Variants in DNAH9 observed in about 807,000 individuals in gnomAD.
DNAH9 encodes DNAH9 variant protein.
In DNAH9, 345 loss-of-function variants were observed where a neutral mutation model predicts 471.6. That is an observed-to-expected ratio of 0.73 (90% confidence interval 0.67 to 0.80). The LOEUF (loss-of-function observed/expected upper bound fraction) is 0.80. Among genes scored for constraint, DNAH9 ranks in the 30% least tolerant of loss-of-function variants. DNAH9 has a pLI of 0.00. For synonymous variants in DNAH9, 2,093 were observed against 2,123.6 expected (o/e 0.99, Z 0.40); for missense variants, 5,407 against 5,609.2 (o/e 0.96, Z 1.15).
At chr17:11,644,605 T>C in intron 10 of DNAH9, 26 bp from the exon 11 acceptor site, 3 of 1,554,462 alleles carry the variant, frequency 1.9e-6, no homozygotes, top group Non-Finnish European at 2.7e-6. Context: ...TAATTCTGTG[T>C]CACTTTTTCT....
At chr17:11,926,759 T>C (rs1415054610) in intron 62 of DNAH9, among the ~76,000 whole-genome samples, 1 of 152,244 alleles carries the variant, frequency 6.6e-6, no homozygotes, top group African/African-American at 2.4e-5. Context: ...TTATATTCCT[T>C]TGGGCTTATA....
Position 11,773,975 on chromosome 17 carries a change from C to CA in DNAH9, c.7552+4657dup, listed in dbSNP as rs1024044662. On this transcript the variant is annotated intron_variant, in intron 38 of 68. Coordinates refer to ENST00000262442, the MANE Select transcript of DNAH9 (RefSeq NM_001372.4). ...TGAAACCCTGTCTCTATCAAAAATA[C>CA]AAAAAAAAAAATTAGCCAGGCGTGG... Among the ~76,000 whole-genome samples, 831 of 145,378 alleles carry CA rather than the reference C, an allele frequency of 5.7e-3. 2 individuals are homozygous for CA. The highest frequency in any genetic ancestry group is 7.7e-3 in the Admixed American group (112 of 14,576).
intron 35 of DNAH9, among the ~76,000 whole-genome samples, chr17:11,760,386 C>A (rs991483397): frequency 1.3e-5 from 2 of 152,212 alleles, no homozygotes; most frequent in Non-Finnish European, 2.9e-5. Flanking sequence ...GCATGTGTGC[C>A]GGTGCATGCA....
intron 38 of DNAH9, among the ~76,000 whole-genome samples, chr17:11,778,223 G>T (rs1968518694): frequency 6.6e-6 from 1 of 150,546 alleles, no homozygotes; most frequent in Non-Finnish European, 1.5e-5. Flanking sequence ...CTACTCGGGA[G>T]GCTAAGGCAG....
chr17:11,881,445 C>G, intron 55 of DNAH9, 32 bp downstream of exon 55: 1 of 1,595,934 alleles, frequency 6.3e-7, no homozygotes, highest in Non-Finnish European at 8.5e-7. Flanking sequence ...TGTTCTGCCA[C>G]TAGAGCCTGC....
intron 26 of DNAH9, among the ~76,000 whole-genome samples, chr17:11,710,788 T>C (rs967722295): frequency 2.6e-5 from 4 of 152,222 alleles, no homozygotes; most frequent in African/African-American, 9.6e-5. Flanking sequence ...CCTGTTTTAA[T>C]CATTTAGGAA....
intron 61 of DNAH9, among the ~76,000 whole-genome samples, chr17:11,917,866 C>T (rs959621071): frequency 6.6e-6 from 1 of 152,170 alleles, no homozygotes; most frequent in African/African-American, 2.4e-5. Context: ...CCCTCCCCTT[C>T]TTGCCCTGAT....
At chr17:11,721,105 T>C (rs2075049515) in intron 27 of DNAH9, among the ~76,000 whole-genome samples, 1 of 152,158 alleles carries the variant, frequency 6.6e-6, no homozygotes, top group Admixed American at 6.5e-5. Flanking sequence ...GCCAGATTTC[T>C]TCAAAGTCAT....
In DNAH9 at chr17:11,925,762, T is replaced by C. The variant is rs1360395210; in HGVS notation, c.11877+1821T>C. On this transcript the variant is annotated intron_variant, in intron 62 of 68. Coordinates refer to ENST00000262442, the MANE Select transcript of DNAH9 (RefSeq NM_001372.4). ...AACACTGAACTCAATATTCCATCTT[T>C]ATTTCCTGGTGACTGGACATTTCCA... Among the ~76,000 whole-genome samples the C allele has an allele frequency of 4.6e-5, 7 of 152,194 alleles. No homozygotes were observed. The East Asian group carries it at 1.3e-3, about 29-fold the overall frequency.
chr17:11,723,920 G>A (rs576196840), intron 27 of DNAH9, among the ~76,000 whole-genome samples: 24 of 152,132 alleles, frequency 1.6e-4, no homozygotes, highest in African/African-American at 4.1e-4. Context: ...TGATCCGCCC[G>A]CCTCAGCCTC....
Position 11,756,508 on chromosome 17 carries a change from A to G in DNAH9, c.6739-60A>G, listed in dbSNP as rs563619110. On this transcript the variant is annotated intron_variant, in intron 33 of 68. Coordinates refer to ENST00000262442, the MANE Select transcript of DNAH9 (RefSeq NM_001372.4). ...ACCAATAATAATCAGCCAAATCCCC[A>G]CAGGCTGGCAAGGCACCTCCCTCCT... 1,465 of 948,822 alleles carry G rather than the reference A, an allele frequency of 1.5e-3. 5 individuals are homozygous for G. The highest frequency in any genetic ancestry group is 1.7e-3 in the Non-Finnish European group (981 of 577,194). 58.8% of individuals were successfully genotyped at this position (948,822 alleles called of 1,614,324 possible).
chr17:11,730,477 T>C (rs957767730), intron 28 of DNAH9, among the ~76,000 whole-genome samples: 1 of 152,190 alleles, frequency 6.6e-6, no homozygotes, highest in African/African-American at 2.4e-5. Context: ...TCAAATATGT[T>C]TCCTGGCTGC....
At chr17:11,945,537 CA>C (rs34040154) in intron 67 of DNAH9, among the ~76,000 whole-genome samples, 1,485 of 102,266 alleles carry the variant, frequency 0.015, 5 homozygotes, top group South Asian at 0.032. Flanking sequence ...GATTCCATCT[CA>C]AAAAAAAAAA....
intron 1 of DNAH9, among the ~76,000 whole-genome samples, chr17:11,604,696 C>CT (rs971445260): frequency 2.5e-4 from 38 of 151,482 alleles, no homozygotes; most frequent in East Asian, 3.9e-4. Context: ...CATCCTGACC[C>CT]TTTTTTTTTC....
At chr17:11,741,303 A>G (rs1289044121) in intron 29 of DNAH9, among the ~76,000 whole-genome samples, 1 of 152,214 alleles carries the variant, frequency 6.6e-6, no homozygotes, top group Admixed American at 6.5e-5. Context: ...AGAGGAAAAA[A>G]ATACAACAAA....
At chr17:11,961,816 C>G (rs762282020) in intron 67 of DNAH9, 51 bp from the exon 68 acceptor site, 1 of 1,539,204 alleles carries the variant, frequency 6.5e-7, no homozygotes, top group East Asian at 2.3e-5. Context: ...CAGGTGTTTT[C>G]AGGGACTTCC....
intron 36 of DNAH9, 118 bp downstream of exon 36, chr17:11,763,732 A>C (rs1967817621): frequency 3.0e-6 from 3 of 1,011,250 alleles, no homozygotes; most frequent in East Asian, 5.2e-5. Flanking sequence ...TGAAAGCAGC[A>C]AACTATTTAG....
At chr17:11,725,662 T>A (rs2075138008) in intron 27 of DNAH9, among the ~76,000 whole-genome samples, 1 of 151,838 alleles carries the variant, frequency 6.6e-6, no homozygotes, top group Non-Finnish European at 1.5e-5. Context: ...AGGCCAGGAG[T>A]TCGAGACCAG....
chr17:11,843,636 A>G (rs1170987615), intron 49 of DNAH9, among the ~76,000 whole-genome samples: 3 of 151,546 alleles, frequency 2.0e-5, no homozygotes, highest in Non-Finnish European at 4.4e-5. Flanking sequence ...TAAAGATCCA[A>G]TAACCTACAT....
Sources: allele counts gnomAD v4.1 joint callset (sites outside exome capture counted in the v4.1 genomes callset), GRCh38; gene constraint gnomAD v4.1.1; transcripts MANE v1.5; gene names NCBI Gene and HGNC (gene_info 2026-07-23, HGNC 2026-07-21).